Variants in KCNMA1 observed in about 807,000 individuals in gnomAD.
The protein encoded by KCNMA1 is Calcium-activated potassium channel subunit alpha-1.
Under a neutral mutation model 140.0 loss-of-function variants are expected in KCNMA1, and 29 were observed. That is an observed-to-expected ratio of 0.21 (90% CI 0.15 to 0.28). The LOEUF (loss-of-function observed/expected upper bound fraction) is 0.28, where lower values mean the gene tolerates loss of function less well. KCNMA1 is among the 10% of genes least tolerant of loss of function. The pLI is 1.00. For missense variants in KCNMA1, 880 were observed against 1,602.2 expected, an observed-to-expected ratio of 0.55 and a Z score of 7.70; for synonymous variants, 612 against 611.9, an observed-to-expected ratio of 1.00 and a Z score of 0.00.
At chr10:77,332,869 G>GAGTATAGT (rs2087019827) in intron 2 of KCNMA1, among the ~76,000 whole-genome samples, 1 of 152,216 alleles carries the variant, frequency 6.6e-6, no homozygotes, top group Non-Finnish European at 1.5e-5. Context: ...TTATTTAGCA[G>GAGTATAGT]TATCTATACT....
At chr10:77,431,917 C>T (rs1366930288) in intron 1 of KCNMA1, among the ~76,000 whole-genome samples, 2 of 151,826 alleles carry the variant, frequency 1.3e-5, no homozygotes, top group South Asian at 2.1e-4. Flanking sequence ...CACTTGGACC[C>T]GGGAGGCAGA....
At chr10:76,947,857 A>G (rs1311126025) in intron 22 of KCNMA1, among the ~76,000 whole-genome samples, 1 of 152,210 alleles carries the variant, frequency 6.6e-6, no homozygotes, top group Non-Finnish European at 1.5e-5. Flanking sequence ...GTGTTCTTTA[A>G]TGAATTATAT....
chr10:77,397,325 A>G (rs1296679168), intron 2 of KCNMA1, among the ~76,000 whole-genome samples: 1 of 152,212 alleles, frequency 6.6e-6, no homozygotes, highest in African/African-American at 2.4e-5. Flanking sequence ...GTGTGAAACA[A>G]ATCTGGCCCA....
intron 1 of KCNMA1, among the ~76,000 whole-genome samples, chr10:77,545,789 G>A (rs2154555938): frequency 6.6e-6 from 1 of 152,342 alleles, no homozygotes. Context: ...CTGTGGCCTG[G>A]AAAACATGGC....
intron 5 of KCNMA1, among the ~76,000 whole-genome samples, chr10:77,165,653 A>G (rs538380629): frequency 5.0e-4 from 76 of 152,308 alleles, no homozygotes; most frequent in African/African-American, 1.7e-3. Flanking sequence ...TGCAAGTCCA[A>G]TTAGAATGGT....
intron 1 of KCNMA1, among the ~76,000 whole-genome samples, chr10:77,587,406 A>G (rs981985877): frequency 6.6e-6 from 1 of 152,178 alleles, no homozygotes; most frequent in Non-Finnish European, 1.5e-5. Flanking sequence ...AACTCTTTAT[A>G]CAAGCTAAAC....
chr10:77,028,147 G>T (rs2153528611), intron 15 of KCNMA1, among the ~76,000 whole-genome samples: 1 of 152,214 alleles, frequency 6.6e-6, no homozygotes, highest in South Asian at 2.1e-4. Flanking sequence ...TAGACACAGA[G>T]CCCAAGCAGG....
intron 20 of KCNMA1, among the ~76,000 whole-genome samples, chr10:76,960,661 T>C (rs2153056923): frequency 6.6e-6 from 1 of 150,498 alleles, no homozygotes; most frequent in South Asian, 2.1e-4. Context: ...ATTGAAGGTT[T>C]ATTTTTCCAT....
At chr10:77,336,369 T>A (rs908373973) in intron 2 of KCNMA1, among the ~76,000 whole-genome samples, 4 of 152,008 alleles carry the variant, frequency 2.6e-5, no homozygotes, top group African/African-American at 9.7e-5. Flanking sequence ...CAAAGATATG[T>A]TCTTTTTCTG....
intron 1 of KCNMA1, among the ~76,000 whole-genome samples, chr10:77,553,798 C>T (rs1273608254): frequency 1.3e-5 from 2 of 152,130 alleles, no homozygotes; most frequent in South Asian, 2.1e-4. Context: ...AAGGCCCCAC[C>T]CAAGTGTCAT....
Position 76,885,409 on chromosome 10 carries a change from C to T in KCNMA1, c.*1857G>A, listed in dbSNP as rs1362707939. The stretch of plus-strand genomic sequence containing the variant: ...CAATACTGGTTTGAATACTACGCTG[C>T]CCCTGTCTTTGGTGTGGGGGAGGGT... On this transcript the variant is annotated 3_prime_UTR_variant, in exon 28 of 28. Transcript: ENST00000286628. 2.0e-6 allele frequency: 2 copies of T among 984,894 alleles called. No homozygotes were observed. The highest frequency in any genetic ancestry group is 2.4e-6 in the Non-Finnish European group (2 of 829,766). The allele number at this position is 984,894 out of a possible 1,614,324, so 61.0% of individuals were successfully genotyped here.
chr10:77,172,990 T>C (rs942062482), intron 5 of KCNMA1, among the ~76,000 whole-genome samples: 3 of 152,082 alleles, frequency 2.0e-5, no homozygotes, highest in East Asian at 1.9e-4. Flanking sequence ...TCCACCCTCA[T>C]GATCTAATCA....
At chr10:77,497,506 CCT>C (rs1308719743) in intron 1 of KCNMA1, among the ~76,000 whole-genome samples, 1 of 152,162 alleles carries the variant, frequency 6.6e-6, no homozygotes, top group African/African-American at 2.4e-5. Flanking sequence ...TGCATCCACC[CCT>C]GAGTTCCAGA....
chr10:77,185,711 A>G (rs1349619736), intron 3 of KCNMA1, among the ~76,000 whole-genome samples: 1 of 151,826 alleles, frequency 6.6e-6, no homozygotes, highest in African/African-American at 2.4e-5. Flanking sequence ...GGGTACTACT[A>G]TACAAACTGG....
chr10:77,171,526 G>A (rs550327416), intron 5 of KCNMA1, among the ~76,000 whole-genome samples: 1 of 152,074 alleles, frequency 6.6e-6, no homozygotes, highest in Admixed American at 6.5e-5. Flanking sequence ...CTGCACAAGT[G>A]AAATTATTCA....
chr10:77,258,734 G>A (rs1051488542), intron 2 of KCNMA1, among the ~76,000 whole-genome samples: 2 of 152,070 alleles, frequency 1.3e-5, no homozygotes, highest in South Asian at 2.1e-4. Context: ...AGGCTGAGGC[G>A]GGTGGATTAC....
At chr10:77,033,416 T>A (rs927937076) in intron 15 of KCNMA1, among the ~76,000 whole-genome samples, 4 of 151,712 alleles carry the variant, frequency 2.6e-5, no homozygotes, top group African/African-American at 7.3e-5. Flanking sequence ...TCTCTCCCAC[T>A]CTCTTATTCT....
At chr10:76,914,175 G>A (rs1055381250) in intron 24 of KCNMA1, 3 of 1,402,706 alleles carry the variant, frequency 2.1e-6, no homozygotes, top group African/African-American at 1.4e-5. Flanking sequence ...GGGAAAGGGA[G>A]TGGAGGAAAG....
intron 2 of KCNMA1, among the ~76,000 whole-genome samples, chr10:77,255,422 A>G (rs1367225205): frequency 6.6e-6 from 1 of 152,026 alleles, no homozygotes; most frequent in African/African-American, 2.4e-5. Context: ...CAACACAGTG[A>G]AACCCTGGCT....
Sources: gnomAD v4.1 joint callset for allele counts (sites outside exome capture counted in the v4.1 genomes callset) on GRCh38, gnomAD v4.1.1 for gene constraint, MANE v1.5 for transcripts, NCBI Gene and HGNC (gene_info 2026-07-23, HGNC 2026-07-21) for gene names.